EPAS1: variants seen among roughly 807,000 people sequenced by gnomAD.
EPAS1 encodes the protein endothelial PAS domain protein 1, also known as endothelial PAS domain-containing protein 1.
A neutral mutation model predicts 87.9 loss-of-function variants in EPAS1; 23 were observed. The observed-to-expected ratio is 0.26, with a 90% CI of 0.19 to 0.37. EPAS1 has a LOEUF of 0.37. Among genes scored for constraint, EPAS1 ranks in the 10% least tolerant of loss-of-function variants. The pLI, the probability that EPAS1 is intolerant of heterozygous loss-of-function variation, is 1.00. For synonymous variants in EPAS1, 508 were observed against 444.3 expected (o/e 1.14, Z -1.80); for missense variants, 1,138 against 1,120.7 (o/e 1.02, Z -0.22).
intron 1 of EPAS1, among the ~76,000 whole-genome samples, chr2:46,330,598 G>T (rs1048935894): frequency 2.0e-5 from 3 of 152,224 alleles, no homozygotes; most frequent in Non-Finnish European, 4.4e-5. Context: ...TGCCCATGGA[G>T]ATAATCACCT....
In EPAS1 at chr2:46,362,892, T is replaced by C. The variant is rs528491579; in HGVS notation, c.779+1802T>C. Reference sequence around the variant, plus strand: ...ATGCTCTAACCTCATAGGGAGAAAATGTCATGCATGAAGCCTTCCGTCCTG... The same window carrying C: ...ATGCTCTAACCTCATAGGGAGAAAACGTCATGCATGAAGCCTTCCGTCCTG... On this transcript the variant is annotated intron_variant, in intron 6 of 15. Coordinates refer to ENST00000263734, the MANE Select transcript of EPAS1 (RefSeq NM_001430.5). Among the ~76,000 whole-genome samples, 4 of 149,592 alleles carry C rather than the reference T, an allele frequency of 2.7e-5. No individual in the cohort carries two copies. The East Asian group carries it at 8.1e-4, about 30-fold the overall frequency.
intron 2 of EPAS1, among the ~76,000 whole-genome samples, chr2:46,351,377 G>C (rs544639745): frequency 2.6e-4 from 40 of 152,332 alleles, no homozygotes; most frequent in African/African-American, 9.1e-4. Flanking sequence ...TCTCCTAGTG[G>C]ACTTTCAGGA....
chr2:46,353,431 A>G (rs1424486833), intron 2 of EPAS1, among the ~76,000 whole-genome samples: 1 of 152,222 alleles, frequency 6.6e-6, no homozygotes, highest in East Asian at 1.9e-4. Flanking sequence ...CCACACTTAG[A>G]AAGTTCTCAG....
chr2:46,332,807 T>C (rs1683715110), intron 1 of EPAS1, among the ~76,000 whole-genome samples: 1 of 152,298 alleles, frequency 6.6e-6, no homozygotes, highest in African/African-American at 2.4e-5. Flanking sequence ...GCAGGGCACC[T>C]ACACATGTGA....
chr2:46,366,734 G>T (rs760966692), intron 6 of EPAS1, among the ~76,000 whole-genome samples: 12 of 152,208 alleles, frequency 7.9e-5, no homozygotes, highest in Admixed American at 7.8e-4. Flanking sequence ...AAAAAAAATA[G>T]TTCCCTGGCC....
intron 2 of EPAS1, 71 bp from the exon 3 acceptor site, chr2:46,356,080 C>T: frequency 6.6e-7 from 1 of 1,509,478 alleles, no homozygotes; most frequent in Non-Finnish European, 9.2e-7. Flanking sequence ...CTGGCAAATG[C>T]CTATCTGTGC....
At chr2:46,330,340 C>T (rs1230840067) in intron 1 of EPAS1, among the ~76,000 whole-genome samples, 5 of 152,200 alleles carry the variant, frequency 3.3e-5, no homozygotes, top group African/African-American at 9.6e-5. Context: ...TCTCTTCCTA[C>T]ACGTAGAGCT....
chr2:46,352,154 G>C (rs1184868086), intron 2 of EPAS1, among the ~76,000 whole-genome samples: 3 of 152,196 alleles, frequency 2.0e-5, no homozygotes, highest in Non-Finnish European at 4.4e-5. Context: ...GTCCTCGGAA[G>C]CAAGTAACTG....
At chr2:46,329,690 T>C (rs13382833) in intron 1 of EPAS1, among the ~76,000 whole-genome samples, 21,966 of 151,998 alleles carry the variant, frequency 0.14, 2,480 homozygotes, top group African/African-American at 0.3. Context: ...GGTGCAGTGG[T>C]GGGCACCTGT....
intron 1 of EPAS1, chr2:46,335,681 G>T (rs1324803842): frequency 6.6e-6 from 1 of 151,996 alleles, no homozygotes; most frequent in African/African-American, 2.4e-5. Context: ...GAGGAGGAAC[G>T]ACTTCTACTC....
Position 46,346,831 on chromosome 2 carries a change from G to C in EPAS1, c.27-42G>C. The C allele has an allele frequency of 6.2e-7, 1 of 1,610,260 alleles. No individual in the cohort carries two copies. ...GTCCTGGCCAGAGGTATGATAGGCT[G>C]ACAGTAACCTTTCCGGGACTAACCC... On this transcript the variant is annotated intron_variant, in intron 1 of 15. Transcript: ENST00000263734. The surrounding 1 kb of genome is among the most constrained non-coding windows in gnomAD (Gnocchi z 4.0).
intron 1 of EPAS1, among the ~76,000 whole-genome samples, chr2:46,313,039 A>G (rs1358071941): frequency 6.6e-6 from 1 of 152,232 alleles, no homozygotes; most frequent in African/African-American, 2.4e-5. Context: ...TGGGCTCCCA[A>G]AGAAAGCAGA....
chr2:46,322,823 C>A (rs550502217), intron 1 of EPAS1, among the ~76,000 whole-genome samples: 67 of 152,286 alleles, frequency 4.4e-4, no homozygotes, highest in Non-Finnish European at 7.2e-4. Flanking sequence ...ACTTAGTCCA[C>A]CCCCACGACA....
intron 11 of EPAS1, among the ~76,000 whole-genome samples, chr2:46,379,097 T>G (rs546021793): frequency 4.9e-4 from 74 of 152,336 alleles, no homozygotes; most frequent in Non-Finnish European, 8.7e-4. Context: ...AAAACATGTA[T>G]AAACATAGGG....
At chr2:46,362,931 G>T (rs1684423506) in intron 6 of EPAS1, among the ~76,000 whole-genome samples, 1 of 137,352 alleles carries the variant, frequency 7.3e-6, no homozygotes, top group Non-Finnish European at 1.5e-5. Flanking sequence ...CTTCGACACA[G>T]TCACCATTTA....
intron 1 of EPAS1, among the ~76,000 whole-genome samples, chr2:46,334,329 C>T (rs1320513642): frequency 6.6e-6 from 1 of 152,206 alleles, no homozygotes; most frequent in African/African-American, 2.4e-5. Flanking sequence ...CTTATGGATA[C>T]TCAACAAGGT....
chr2:46,319,195 T>C (rs1320139793), intron 1 of EPAS1, among the ~76,000 whole-genome samples: 1 of 152,224 alleles, frequency 6.6e-6, no homozygotes, highest in Non-Finnish European at 1.5e-5. Context: ...CTTGATTACA[T>C]AGGAAGAGGC....
intron 1 of EPAS1, among the ~76,000 whole-genome samples, chr2:46,304,196 T>A (rs914727180): frequency 2.0e-5 from 3 of 152,242 alleles, no homozygotes; most frequent in African/African-American, 7.2e-5. Context: ...GACAGTCTTA[T>A]TTGTGCCAGT....
At chr2:46,311,031 G>A (rs544268007) in intron 1 of EPAS1, among the ~76,000 whole-genome samples, 12 of 152,188 alleles carry the variant, frequency 7.9e-5, no homozygotes, top group Middle Eastern at 3.4e-3. Flanking sequence ...TGCCTGCCAC[G>A]ATGCCCAGCT....
Sources: gnomAD v4.1 joint callset for allele counts (sites outside exome capture counted in the v4.1 genomes callset) on GRCh38, gnomAD v4.1.1 for gene constraint, Gnocchi (gnomAD v3.1) non-coding constraint, MANE v1.5 for transcripts, NCBI Gene and HGNC (gene_info 2026-07-23, HGNC 2026-07-21) for gene names.